The following LINGO2 variants were observed in gnomAD, a reference collection of about 807,000 sequenced individuals.
LINGO2 encodes leucine-rich repeat and immunoglobulin-like domain-containing nogo receptor-interacting protein 2.
In LINGO2, 14 loss-of-function variants were observed where a neutral mutation model predicts 30.6. The ratio of observed to expected loss-of-function variants is 0.46; its 90% CI spans 0.30 to 0.72. LINGO2 has a LOEUF of 0.72. Ranked by LOEUF, LINGO2 falls within the 30% of genes least tolerant of loss-of-function variation. The pLI is 0.07. For synonymous variants in LINGO2, 317 were observed against 288.5 expected, an observed-to-expected ratio of 1.10 and a Z score of -1.00; for missense variants, 729 against 751.7, an observed-to-expected ratio of 0.97 and a Z score of 0.35.
the LINGO2 span, among the ~76,000 whole-genome samples, chr9:28,952,518 T>C: frequency 6.6e-6 from 1 of 152,278 alleles, no homozygotes; most frequent in African/African-American, 2.4e-5. Flanking sequence ...TAGGCTTGCC[T>C]AGTGACTTGT....
the LINGO2 span, among the ~76,000 whole-genome samples, chr9:28,853,178 G>C: frequency 3.3e-5 from 5 of 152,006 alleles, no homozygotes; most frequent in Non-Finnish European, 7.4e-5. Context: ...CCATTTCTTT[G>C]TGCATTGGAT....
At chr9:28,871,936 A>G in the LINGO2 span, among the ~76,000 whole-genome samples, 4 of 151,984 alleles carry the variant, frequency 2.6e-5, no homozygotes, top group African/African-American at 9.7e-5. Context: ...AACCTACCTT[A>G]TTTGGAGATT....
chr9:28,593,235 C>T (rs1022452880), intron 1 of LINGO2, among the ~76,000 whole-genome samples: 9 of 152,014 alleles, frequency 5.9e-5, no homozygotes, highest in Non-Finnish European at 1.3e-4. Flanking sequence ...TCATTAAGCA[C>T]CTAATATTTG....
At chr9:28,647,661 C>T (rs982692761) in intron 1 of LINGO2, among the ~76,000 whole-genome samples, 102 of 152,112 alleles carry the variant, frequency 6.7e-4, no homozygotes, top group African/African-American at 2.2e-3. Flanking sequence ...CTTAGTCTCT[C>T]AGTAGGTTGC....
intron 4 of LINGO2, among the ~76,000 whole-genome samples, chr9:28,140,440 ACTT>A (rs1827640888): frequency 6.6e-6 from 1 of 152,190 alleles, no homozygotes. Context: ...GAGTAGCCAT[ACTT>A]CTTATCACTT....
At chr9:27,957,868 T>C (rs1260823433) in intron 5 of LINGO2, among the ~76,000 whole-genome samples, 2 of 152,256 alleles carry the variant, frequency 1.3e-5, no homozygotes, top group East Asian at 3.8e-4. Context: ...TCTTTAGGTA[T>C]TCTTTAATTT....
the LINGO2 span, among the ~76,000 whole-genome samples, chr9:29,031,245 AGTGGTGGTG>A: frequency 1.5e-4 from 23 of 150,894 alleles, no homozygotes; most frequent in Admixed American, 2.6e-4. Flanking sequence ...ATAGTAACAA[AGTGGTGGTG>A]GTGGTGGTGG....
the LINGO2 span, among the ~76,000 whole-genome samples, chr9:29,188,049 T>C: frequency 5.5e-5 from 8 of 144,466 alleles, no homozygotes; most frequent in Admixed American, 5.6e-4. Flanking sequence ...TTGATCATTC[T>C]TGGGTGTTTC....
At chr9:29,040,519 G>C in the LINGO2 span, among the ~76,000 whole-genome samples, 4 of 150,938 alleles carry the variant, frequency 2.7e-5, no homozygotes, top group Non-Finnish European at 4.4e-5. Context: ...CAGAACTTAG[G>C]TTCTCTTCAA....
At chr9:28,774,234 C>A in the LINGO2 span, among the ~76,000 whole-genome samples, 1 of 152,058 alleles carries the variant, frequency 6.6e-6, no homozygotes, top group Non-Finnish European at 1.5e-5. Context: ...GTTTTCTACA[C>A]AATATAAGGT....
At chr9:28,773,084 G>A in the LINGO2 span, among the ~76,000 whole-genome samples, 8 of 152,064 alleles carry the variant, frequency 5.3e-5, no homozygotes, top group Non-Finnish European at 8.8e-5. Flanking sequence ...ACCTACATAC[G>A]GCCGGGCGCG....
intron 3 of LINGO2, among the ~76,000 whole-genome samples, chr9:28,328,630 A>G (rs1335538484): frequency 6.6e-6 from 1 of 152,148 alleles, no homozygotes; most frequent in Non-Finnish European, 1.5e-5. Context: ...GGCATAAAAC[A>G]AATCATTAAG....
intron 4 of LINGO2, among the ~76,000 whole-genome samples, chr9:28,058,134 T>C (rs1199603043): frequency 6.6e-6 from 1 of 152,118 alleles, no homozygotes; most frequent in Non-Finnish European, 1.5e-5. Context: ...CCCTTGCCAA[T>C]AAATAATTCC....
intron 4 of LINGO2, among the ~76,000 whole-genome samples, chr9:28,198,983 A>C (rs1400545892): frequency 6.6e-6 from 1 of 152,186 alleles, no homozygotes; most frequent in East Asian, 1.9e-4. Flanking sequence ...TAAAAACATT[A>C]TTGGAAGATT....
At chr9:29,057,434 C>T in the LINGO2 span, among the ~76,000 whole-genome samples, 1 of 152,064 alleles carries the variant, frequency 6.6e-6, no homozygotes, top group South Asian at 2.1e-4. Context: ...GATATTGGCT[C>T]ATGCTAGTTA....
intron 4 of LINGO2, among the ~76,000 whole-genome samples, chr9:28,182,520 A>C (rs189204679): frequency 2.0e-5 from 3 of 152,348 alleles, no homozygotes; most frequent in African/African-American, 7.2e-5. Flanking sequence ...CATCATAGTG[A>C]ACAGGCAACC....
the LINGO2 span, among the ~76,000 whole-genome samples, chr9:29,150,874 T>C: frequency 6.6e-6 from 1 of 151,910 alleles, no homozygotes; most frequent in Non-Finnish European, 1.5e-5. Flanking sequence ...CCTAGAGAGG[T>C]TGACATGCAC....
chr9:28,010,931 C>T (rs1242665598), intron 5 of LINGO2, among the ~76,000 whole-genome samples: 3 of 152,216 alleles, frequency 2.0e-5, no homozygotes, highest in Admixed American at 1.3e-4. Context: ...GCACTCCAGC[C>T]TGGGTGACAG....
At chr9:27,950,209 G>T in exon 6 of LINGO2, 1 of 1,613,960 alleles carries the variant, frequency 6.2e-7, no homozygotes, top group African/African-American at 1.3e-5. Context: ...AGAGACTTCA[G>T]GTTATGTAGA....
Sources: allele counts gnomAD v4.1 joint callset (sites outside exome capture counted in the v4.1 genomes callset), GRCh38; gene constraint gnomAD v4.1.1; transcripts MANE v1.5; gene names NCBI Gene and HGNC (gene_info 2026-07-23, HGNC 2026-07-21).